CADM2: variants seen among roughly 807,000 people sequenced by gnomAD.
The protein encoded by CADM2 is immunoglobulin superfamily member 4D.
CADM2 carries 12 observed loss-of-function variants against 49.8 expected under a neutral mutation model. The ratio of observed to expected loss-of-function variants is 0.24; its 90% confidence interval spans 0.15 to 0.39. The LOEUF is 0.39. CADM2 is among the 10% of genes least tolerant of loss of function. The probability of loss-of-function intolerance (pLI) is 1.00; values close to 1 mark genes in which losing one functional copy is unlikely to be tolerated. For synonymous variants in CADM2, 214 were observed against 175.4 expected (o/e 1.22, Z -1.74); for missense variants, 378 against 492.3 (o/e 0.77, Z 2.20).
At chr3:84,988,724 A>G (rs180962126) in intron 1 of CADM2, among the ~76,000 whole-genome samples, 2 of 152,262 alleles carry the variant, frequency 1.3e-5, no homozygotes, top group East Asian at 3.9e-4. Context: ...CCTATTATTC[A>G]GCATGTTAGT....
intron 1 of CADM2, among the ~76,000 whole-genome samples, chr3:85,205,192 A>G (rs989183461): frequency 7.7e-6 from 1 of 129,070 alleles, no homozygotes; most frequent in South Asian, 2.1e-4. Context: ...TAATTTTTCT[A>G]AAAAAAAAAT....
At chr3:85,316,634 T>A (rs1576338064) in intron 1 of CADM2, among the ~76,000 whole-genome samples, 1 of 152,162 alleles carries the variant, frequency 6.6e-6, no homozygotes, top group Admixed American at 6.5e-5. Context: ...GTATATTTCC[T>A]TGTAATTTAA....
In CADM2 at chr3:85,660,913, A is replaced by T. The variant is rs1418635484; in HGVS notation, c.62-65609A>T. Among the ~76,000 whole-genome samples, 21 of 92,026 alleles carry T rather than the reference A, an allele frequency of 2.3e-4. 1 individual carries two copies. The highest frequency in any genetic ancestry group is 7.4e-4 in the African/African-American group (21 of 28,330). 60.4% of individuals were successfully genotyped at this position (92,026 alleles called of 152,430 possible). On this transcript the variant is annotated intron_variant, in intron 1 of 9. Transcript: ENST00000383699. Reference sequence around the variant, plus strand: ...GATTATTATAAACTATAATCAAACTAAAAAAAAAAAAAACAGAAGCACGAG... The same window carrying T: ...GATTATTATAAACTATAATCAAACTTAAAAAAAAAAAAACAGAAGCACGAG...
At chr3:85,769,231 C>CATATACATATATAGTAT (rs2069860683) in intron 2 of CADM2, among the ~76,000 whole-genome samples, 2 of 111,712 alleles carry the variant, frequency 1.8e-5, no homozygotes, top group Non-Finnish European at 1.6e-5. Context: ...TATATACACA[C>CATATACATATATAGTAT]ATATACACAT....
chr3:85,418,971 A>G (rs1181833354), intron 1 of CADM2, among the ~76,000 whole-genome samples: 3 of 30,750 alleles, frequency 9.8e-5, no homozygotes, highest in Non-Finnish European at 3.0e-4. Flanking sequence ...TTGAGAGGGG[A>G]AAAAAAAATG....
At chr3:85,372,590 G>T (rs2033330704) in intron 1 of CADM2, among the ~76,000 whole-genome samples, 1 of 151,874 alleles carries the variant, frequency 6.6e-6, no homozygotes, top group Admixed American at 6.6e-5. Flanking sequence ...TACCCCTCTG[G>T]CCCACATTTA....
At chr3:85,500,525 T>C (rs1475452369) in intron 1 of CADM2, among the ~76,000 whole-genome samples, 1 of 151,946 alleles carries the variant, frequency 6.6e-6, no homozygotes, top group African/African-American at 2.4e-5. Flanking sequence ...AGGTGGAATT[T>C]TTTTTTTTTT....
intron 1 of CADM2, among the ~76,000 whole-genome samples, chr3:85,271,985 C>T (rs367687237): frequency 6.6e-6 from 1 of 151,108 alleles, no homozygotes; most frequent in African/African-American, 2.4e-5. Context: ...ATCTCAAAAC[C>T]TGCCAACACT....
intron 1 of CADM2, among the ~76,000 whole-genome samples, chr3:85,447,237 G>A (rs930360024): frequency 4.0e-5 from 6 of 151,716 alleles, no homozygotes; most frequent in African/African-American, 1.2e-4. Context: ...CCTAGAAACT[G>A]TTGGGTGACT....
intron 1 of CADM2, among the ~76,000 whole-genome samples, chr3:85,482,099 G>C (rs2039237329): frequency 6.6e-6 from 1 of 151,622 alleles, no homozygotes; most frequent in Non-Finnish European, 1.5e-5. Context: ...TATTGAAAAT[G>C]TTTACCGAAA....
chr3:86,018,779 C>T (rs900695720), intron 8 of CADM2, among the ~76,000 whole-genome samples: 18 of 151,586 alleles, frequency 1.2e-4, no homozygotes, highest in African/African-American at 4.4e-4. Context: ...GGATATTAGC[C>T]CTTTGTCAGA....
intron 1 of CADM2, among the ~76,000 whole-genome samples, chr3:85,541,366 A>G (rs1292727441): frequency 2.0e-5 from 3 of 151,774 alleles, no homozygotes; most frequent in South Asian, 4.1e-4. Context: ...ATGTAAATTG[A>G]ATTCAAAATT....
At chr3:85,529,163 C>A (rs1055890644) in intron 1 of CADM2, among the ~76,000 whole-genome samples, 2 of 152,158 alleles carry the variant, frequency 1.3e-5, no homozygotes, top group Admixed American at 1.3e-4. Flanking sequence ...TTGCTGCCTT[C>A]TGAGATAAAG....
intron 1 of CADM2, among the ~76,000 whole-genome samples, chr3:85,386,141 G>C (rs1180355509): frequency 6.6e-6 from 1 of 152,126 alleles, no homozygotes; most frequent in Non-Finnish European, 1.5e-5. Flanking sequence ...GCAGTAAGCA[G>C]AGACCACAGG....
At chr3:85,681,235 G>A (rs192011445) in intron 1 of CADM2, among the ~76,000 whole-genome samples, 25 of 152,246 alleles carry the variant, frequency 1.6e-4, no homozygotes, top group Non-Finnish European at 1.5e-5. Flanking sequence ...TGGAAGAGAA[G>A]ATGCATCATG....
intron 1 of CADM2, among the ~76,000 whole-genome samples, chr3:85,050,279 T>C (rs910531058): frequency 6.6e-6 from 1 of 152,016 alleles, no homozygotes; most frequent in Non-Finnish European, 1.5e-5. Context: ...AAAGGGTCAA[T>C]ATACTGAAGT....
intron 2 of CADM2, among the ~76,000 whole-genome samples, chr3:85,763,778 G>A (rs989892774): frequency 3.3e-5 from 5 of 152,160 alleles, no homozygotes; most frequent in Non-Finnish European, 5.9e-5. Flanking sequence ...CTAGTCATTA[G>A]GCTGGAGAAT....
At chr3:85,486,855 A>C (rs2326314) in intron 1 of CADM2, among the ~76,000 whole-genome samples, 30,196 of 152,160 alleles carry the variant, frequency 0.2, 3,798 homozygotes, top group East Asian at 0.3. Context: ...GAAAATGTCA[A>C]ATCCAAAGGA....
At chr3:85,079,856 A>G (rs1260395075) in intron 1 of CADM2, among the ~76,000 whole-genome samples, 1 of 151,938 alleles carries the variant, frequency 6.6e-6, no homozygotes, top group Non-Finnish European at 1.5e-5. Context: ...TAAACCATGA[A>G]CGCAAAATAA....
Sources: gnomAD v4.1 joint callset for allele counts (sites outside exome capture counted in the v4.1 genomes callset) on GRCh38, gnomAD v4.1.1 for gene constraint, MANE v1.5 for transcripts, NCBI Gene and HGNC (gene_info 2026-07-23, HGNC 2026-07-21) for gene names.